The following AUTS2 variants were observed in gnomAD, a reference collection of about 807,000 sequenced individuals.
AUTS2 encodes autism susceptibility gene 2 protein.
AUTS2 carries 17 observed loss-of-function variants against 112.4 expected under a neutral mutation model. The ratio of observed to expected loss-of-function variants is 0.15; its 90% CI spans 0.10 to 0.23. The LOEUF is 0.23. AUTS2 is among the 10% of genes least tolerant of loss of function. The pLI, the probability that AUTS2 is intolerant of heterozygous loss-of-function variation, is 1.00. For missense variants in AUTS2, 1,510 were observed against 1,701.6 expected (o/e 0.89, Z 1.98); for synonymous variants, 751 against 702.7 (o/e 1.07, Z -1.09).
chr7:70,524,954 T>G (rs994131219), intron 5 of AUTS2, among the ~76,000 whole-genome samples: 4 of 152,212 alleles, frequency 2.6e-5, no homozygotes, highest in Admixed American at 1.3e-4. Context: ...AAGGATCTAA[T>G]AAGTGCACTG....
chr7:69,991,973 G>A (rs572252984), intron 2 of AUTS2, among the ~76,000 whole-genome samples: 1 of 152,208 alleles, frequency 6.6e-6, no homozygotes, highest in Non-Finnish European at 1.5e-5. Flanking sequence ...TATATGGTTT[G>A]TGCATACTTA....
At chr7:69,740,218 G>A (rs1038211235) in intron 1 of AUTS2, among the ~76,000 whole-genome samples, 1 of 150,886 alleles carries the variant, frequency 6.6e-6, no homozygotes, top group East Asian at 1.9e-4. Flanking sequence ...ATGTTCTGTG[G>A]ACATGATTGG....
intron 4 of AUTS2, among the ~76,000 whole-genome samples, chr7:70,184,342 C>G (rs1809488516): frequency 6.6e-6 from 1 of 152,126 alleles, no homozygotes; most frequent in Non-Finnish European, 1.5e-5. Context: ...GGTAAAGTTT[C>G]CTGGGAGTTT....
rs373981698 is a variant in AUTS2 at position 69,959,085 on chromosome 7, A to C, written c.522+59587A>C. ...TACCTCTGGAAATTCTGGACCCTCA[A>C]GTGATCAGTCTTTTAAGGCAGTGTG... On this transcript the variant is annotated intron_variant, in intron 2 of 18. Transcript: ENST00000342771. Among the ~76,000 whole-genome samples, 29 of 152,252 alleles carry C rather than the reference A, an allele frequency of 1.9e-4. 1 individual carries two copies. In the South Asian group the frequency reaches 6.0e-3, roughly 32 times the overall value.
intron 5 of AUTS2, among the ~76,000 whole-genome samples, chr7:70,675,493 C>G (rs894759795): frequency 1.3e-5 from 2 of 152,162 alleles, no homozygotes; most frequent in Non-Finnish European, 2.9e-5. Flanking sequence ...AAGACTCTGT[C>G]TAAAAGAAAG....
At chr7:69,917,117 T>C (rs1315439988) in intron 2 of AUTS2, among the ~76,000 whole-genome samples, 1 of 152,002 alleles carries the variant, frequency 6.6e-6, no homozygotes, top group Non-Finnish European at 1.5e-5. Context: ...GGGTTCAAAA[T>C]GTCCTTCTGC....
chr7:69,715,999 G>A (rs141179490), intron 1 of AUTS2, among the ~76,000 whole-genome samples: 78 of 152,286 alleles, frequency 5.1e-4, no homozygotes, highest in African/African-American at 1.7e-3. Flanking sequence ...CCACTACACT[G>A]TCTGGCTGAT....
At chr7:70,705,680 G>T (rs1036257726) in intron 6 of AUTS2, among the ~76,000 whole-genome samples, 2 of 152,106 alleles carry the variant, frequency 1.3e-5, no homozygotes, top group Non-Finnish European at 2.9e-5. Context: ...AGCTGAGCTT[G>T]CCTGGACTTA....
intron 2 of AUTS2, among the ~76,000 whole-genome samples, chr7:70,075,135 T>C (rs1282325580): frequency 6.6e-6 from 1 of 152,208 alleles, no homozygotes; most frequent in Admixed American, 6.5e-5. Context: ...AGGAGCTGGC[T>C]CCATCCAGAA....
chr7:70,030,113 A>G (rs1022371400), intron 2 of AUTS2, among the ~76,000 whole-genome samples: 3 of 152,212 alleles, frequency 2.0e-5, no homozygotes, highest in African/African-American at 7.2e-5. Flanking sequence ...CCAGTTACTG[A>G]TGATGGAATG....
At chr7:70,003,920 A>G (rs369203816) in intron 2 of AUTS2, among the ~76,000 whole-genome samples, 2 of 81,258 alleles carry the variant, frequency 2.5e-5, no homozygotes, top group Non-Finnish European at 4.2e-5. Flanking sequence ...TGTGTTATAT[A>G]TGAATATATA....
At chr7:70,771,461 G>A (rs775638099) in intron 10 of AUTS2, 88 bp from the exon 11 acceptor site, 20 of 1,124,186 alleles carry the variant, frequency 1.8e-5, no homozygotes, top group Non-Finnish European at 2.6e-5. Flanking sequence ...GCTTGCTCAT[G>A]TCGATGTCTT....
chr7:69,940,540 C>T (rs534558627), intron 2 of AUTS2, among the ~76,000 whole-genome samples: 39 of 152,052 alleles, frequency 2.6e-4, no homozygotes, highest in Middle Eastern at 3.4e-3. Context: ...GCCACAGGGG[C>T]CAAATCATGA....
chr7:70,044,856 G>C (rs927777611), intron 2 of AUTS2, among the ~76,000 whole-genome samples: 1 of 152,032 alleles, frequency 6.6e-6, no homozygotes, highest in East Asian at 1.9e-4. Flanking sequence ...ACTATGTCAA[G>C]AGAGAAATGT....
At chr7:70,011,016 G>C (rs567071754) in intron 2 of AUTS2, among the ~76,000 whole-genome samples, 2 of 152,142 alleles carry the variant, frequency 1.3e-5, no homozygotes, top group African/African-American at 2.4e-5. Flanking sequence ...AGGCATAAAG[G>C]ATGGCCAGAT....
chr7:69,956,596 A>G (rs35122335), intron 2 of AUTS2, among the ~76,000 whole-genome samples: 31 of 152,116 alleles, frequency 2.0e-4, no homozygotes, highest in Non-Finnish European at 4.1e-4. Context: ...AACGGTTGAA[A>G]TTATATTTTG....
chr7:70,409,383 C>A (rs1300500839), intron 4 of AUTS2, among the ~76,000 whole-genome samples: 1 of 151,978 alleles, frequency 6.6e-6, no homozygotes, highest in Non-Finnish European at 1.5e-5. Context: ...TAACTCATAG[C>A]AAATGTGTGG....
chr7:70,393,524 G>C (rs1562932008), intron 4 of AUTS2, among the ~76,000 whole-genome samples: 1 of 152,030 alleles, frequency 6.6e-6, no homozygotes, highest in East Asian at 1.9e-4. Flanking sequence ...AGCCTGTGTG[G>C]ATGCCTCTCT....
chr7:70,149,185 TTTTTTAAGTTCCAA>T (rs1807294133), intron 4 of AUTS2, among the ~76,000 whole-genome samples: 1 of 152,084 alleles, frequency 6.6e-6, no homozygotes, highest in African/African-American at 2.4e-5. Context: ...CATTTTAAAT[TTTTTTAAGTTCCAA>T]TTTTTAATGT....
Sources: gnomAD v4.1 joint callset for allele counts (sites outside exome capture counted in the v4.1 genomes callset) on GRCh38, gnomAD v4.1.1 for gene constraint, MANE v1.5 for transcripts, NCBI Gene and HGNC (gene_info 2026-07-23, HGNC 2026-07-21) for gene names.